CHST11: variants seen among roughly 807,000 people sequenced by gnomAD.
The protein encoded by CHST11 is carbohydrate sulfotransferase 11.
A neutral mutation model predicts 30.4 loss-of-function variants in CHST11; 9 were observed. The ratio of observed to expected loss-of-function variants is 0.30; its 90% confidence interval spans 0.18 to 0.52. CHST11 has a LOEUF of 0.52. Among genes scored for constraint, CHST11 ranks in the 20% least tolerant of loss-of-function variants. The pLI, the probability that CHST11 is intolerant of heterozygous loss-of-function variation, is 0.97. For synonymous variants in CHST11, 152 were observed against 187.8 expected (o/e 0.81, Z 1.56); for missense variants, 348 against 460.6 (o/e 0.76, Z 2.24).
In CHST11 at chr12:104,615,833, C is replaced by G. The variant is rs374072469; in HGVS notation, c.204+13842C>G. Among the ~76,000 whole-genome samples, 30 of 152,290 alleles carry G rather than the reference C, an allele frequency of 2.0e-4. No individual in the cohort carries two copies. In the East Asian group the frequency reaches 4.1e-3, roughly 21 times the overall value. On this transcript the variant is annotated intron_variant, in intron 2 of 2. Coordinates refer to ENST00000303694, the MANE Select transcript of CHST11 (RefSeq NM_018413.6). ...GTCTCAGCTACTCAAAAGGCTGAAG[C>G]AGGAGAATCGCTTGAACCTGGGAAG...
intron 1 of CHST11, among the ~76,000 whole-genome samples, chr12:104,539,562 G>A (rs999487907): frequency 9.2e-5 from 14 of 152,302 alleles, no homozygotes; most frequent in Non-Finnish European, 1.6e-4. Flanking sequence ...TAAGAAAGAT[G>A]GAGGAGCTAA....
chr12:104,497,178 C>A (rs2037806547), intron 1 of CHST11, among the ~76,000 whole-genome samples: 1 of 152,200 alleles, frequency 6.6e-6, no homozygotes, highest in African/African-American at 2.4e-5. Flanking sequence ...GAAGACCTAA[C>A]CCCCAGTACC....
chr12:104,617,533 T>G (rs1299809404), intron 2 of CHST11, among the ~76,000 whole-genome samples: 3 of 152,150 alleles, frequency 2.0e-5, no homozygotes, highest in Non-Finnish European at 4.4e-5. Context: ...TGAGTTCAAA[T>G]CCTGCCTCTT....
intron 2 of CHST11, among the ~76,000 whole-genome samples, chr12:104,742,762 A>T (rs1299723746): frequency 2.0e-5 from 3 of 152,210 alleles, no homozygotes; most frequent in Non-Finnish European, 2.9e-5. Flanking sequence ...CTTCCTGGGC[A>T]GCCCTTGGCG....
At chr12:104,666,164 T>C (rs2039641674) in intron 2 of CHST11, among the ~76,000 whole-genome samples, 1 of 152,150 alleles carries the variant, frequency 6.6e-6, no homozygotes, top group African/African-American at 2.4e-5. Context: ...AGAATTAAGA[T>C]TGAATACTTT....
intron 2 of CHST11, among the ~76,000 whole-genome samples, chr12:104,642,809 T>C (rs1033216148): frequency 2.6e-5 from 4 of 152,146 alleles, no homozygotes; most frequent in African/African-American, 9.7e-5. Context: ...TTAGATTTTT[T>C]TTTTTACAAT....
chr12:104,463,199 AG>A (rs2037425693), intron 1 of CHST11, among the ~76,000 whole-genome samples: 1 of 152,174 alleles, frequency 6.6e-6, no homozygotes, highest in African/African-American at 2.4e-5. Context: ...CAAGTGAAAA[AG>A]GCTCTCATGA....
intron 2 of CHST11, among the ~76,000 whole-genome samples, chr12:104,612,149 T>C (rs1462906617): frequency 1.3e-5 from 2 of 152,228 alleles, no homozygotes; most frequent in Non-Finnish European, 2.9e-5. Flanking sequence ...CCCTCACTGA[T>C]TGCATATTCA....
rs76460986 is a variant in CHST11 at position 104,612,369 on chromosome 12, C to T, written c.204+10378C>T. Among the ~76,000 whole-genome samples the T allele has an allele frequency of 3.4e-3, 516 of 152,354 alleles. 4 individuals carry two copies. Among genetic ancestry groups the T allele is most frequent in the African/African-American group, 0.012 (503 of 41,584 alleles). ...GAGGGTGATCTTTGGCTTCCTTGCT[C>T]TGATTGCTGCCTTCATCTTCACATG... On this transcript the variant is annotated intron_variant, in intron 2 of 2. Coordinates refer to ENST00000303694, the MANE Select transcript of CHST11 (RefSeq NM_018413.6).
intron 2 of CHST11, among the ~76,000 whole-genome samples, chr12:104,626,691 G>T (rs1405766401): frequency 1.3e-5 from 2 of 151,442 alleles, no homozygotes; most frequent in Admixed American, 1.3e-4. Context: ...TTTTTTAATA[G>T]ACTTGATTTT....
At chr12:104,525,269 G>A (rs192810679) in intron 1 of CHST11, among the ~76,000 whole-genome samples, 6 of 152,270 alleles carry the variant, frequency 3.9e-5, no homozygotes, top group African/African-American at 1.4e-4. Flanking sequence ...GGGATTACAA[G>A]CATGAGCCAC....
intron 2 of CHST11, among the ~76,000 whole-genome samples, chr12:104,687,896 A>G (rs1442136385): frequency 1.3e-5 from 2 of 152,088 alleles, no homozygotes; most frequent in Admixed American, 6.6e-5. Flanking sequence ...TTCATACCGT[A>G]CCAGCATTTC....
intron 2 of CHST11, among the ~76,000 whole-genome samples, chr12:104,609,400 T>C (rs1448088995): frequency 6.6e-6 from 1 of 152,212 alleles, no homozygotes; most frequent in Non-Finnish European, 1.5e-5. Flanking sequence ...CAAATTACAA[T>C]AGACTAGCGA....
At chr12:104,665,423 A>G (rs2039633293) in intron 2 of CHST11, among the ~76,000 whole-genome samples, 1 of 152,194 alleles carries the variant, frequency 6.6e-6, no homozygotes. Flanking sequence ...AAACTGTGCC[A>G]TCTGCATGGA....
intron 2 of CHST11, among the ~76,000 whole-genome samples, chr12:104,750,789 A>G (rs2040425161): frequency 6.6e-6 from 1 of 152,090 alleles, no homozygotes; most frequent in Non-Finnish European, 1.5e-5. Flanking sequence ...TTAAATCAAC[A>G]CTAGTCTGAA....
intron 1 of CHST11, among the ~76,000 whole-genome samples, chr12:104,539,568 G>A (rs1348058589): frequency 6.6e-6 from 1 of 152,146 alleles, no homozygotes; most frequent in African/African-American, 2.4e-5. Flanking sequence ...AGATGGAGGA[G>A]CTAAATTGTA....
At chr12:104,748,853 G>C (rs531118997) in intron 2 of CHST11, among the ~76,000 whole-genome samples, 1 of 152,298 alleles carries the variant, frequency 6.6e-6, no homozygotes, top group East Asian at 1.9e-4. Context: ...TCTGGGAGGA[G>C]AACCCAGCAA....
At chr12:104,740,487 C>A (rs2040337651) in intron 2 of CHST11, among the ~76,000 whole-genome samples, 2 of 152,136 alleles carry the variant, frequency 1.3e-5, no homozygotes, top group South Asian at 4.1e-4. Context: ...TCCAGCAGCA[C>A]AACAAAAAGG....
At chr12:104,588,040 A>T (rs1399284071) in intron 1 of CHST11, among the ~76,000 whole-genome samples, 1 of 152,160 alleles carries the variant, frequency 6.6e-6, no homozygotes, top group Admixed American at 6.5e-5. Flanking sequence ...GAAAATATTA[A>T]TATTATGGGT....
Sources: gnomAD v4.1 joint callset for allele counts (sites outside exome capture counted in the v4.1 genomes callset) on GRCh38, gnomAD v4.1.1 for gene constraint, MANE v1.5 for transcripts, NCBI Gene and HGNC (gene_info 2026-07-23, HGNC 2026-07-21) for gene names.